PTPRR: variants seen among roughly 807,000 people sequenced by gnomAD.
PTPRR encodes protein tyrosine phosphatase receptor type R.
Under a neutral mutation model 77.2 loss-of-function variants are expected in PTPRR, and 38 were observed. The ratio of observed to expected loss-of-function variants is 0.49; its 90% CI spans 0.38 to 0.65. PTPRR has a LOEUF of 0.65. Among genes scored for constraint, PTPRR ranks in the 30% least tolerant of loss-of-function variants. PTPRR has a pLI of 0.00. For synonymous variants in PTPRR, 299 were observed against 283.1 expected (o/e 1.06, Z -0.57); for missense variants, 744 against 799.2 (o/e 0.93, Z 0.83).
At chr12:70,838,083 G>A (rs1892335246) in intron 2 of PTPRR, among the ~76,000 whole-genome samples, 1 of 152,132 alleles carries the variant, frequency 6.6e-6, no homozygotes, top group Non-Finnish European at 1.5e-5. Context: ...ACTACAGAGA[G>A]AGCTATTGAC....
intron 6 of PTPRR, among the ~76,000 whole-genome samples, chr12:70,713,615 A>C (rs1888913551): frequency 7.1e-6 from 1 of 141,648 alleles, no homozygotes; most frequent in Non-Finnish European, 1.5e-5. Flanking sequence ...AGTGTATCTC[A>C]TTGTGGCTTT....
intron 5 of PTPRR, among the ~76,000 whole-genome samples, chr12:70,750,026 A>AT (rs931238214): frequency 6.6e-6 from 1 of 152,032 alleles, no homozygotes; most frequent in East Asian, 1.9e-4. Flanking sequence ...TTGCCCACAC[A>AT]TTTTTTCTTG....
intron 7 of PTPRR, among the ~76,000 whole-genome samples, chr12:70,699,652 A>G (rs1888350973): frequency 6.6e-6 from 1 of 152,124 alleles, no homozygotes; most frequent in South Asian, 2.1e-4. Context: ...CTTTACCTGC[A>G]TTATGCTAGC....
At chr12:70,871,080 A>G (rs1327491860) in intron 2 of PTPRR, among the ~76,000 whole-genome samples, 1 of 152,166 alleles carries the variant, frequency 6.6e-6, no homozygotes, top group African/African-American at 2.4e-5. Context: ...TGAGTAACGG[A>G]GAGGGATCTA....
At chr12:70,761,775 G>T in intron 3 of PTPRR, 149 bp from the exon 4 acceptor site, 1 of 593,852 alleles carries the variant, frequency 1.7e-6, no homozygotes, top group Non-Finnish European at 2.6e-6. Flanking sequence ...GTTATTCTCT[G>T]ATAGACTTAA....
chr12:70,790,929 T>TA (rs1332900529), intron 2 of PTPRR, among the ~76,000 whole-genome samples: 1 of 152,056 alleles, frequency 6.6e-6, no homozygotes, highest in African/African-American at 2.4e-5. Flanking sequence ...CCAGAGTTGG[T>TA]AAAACCAGTT....
chr12:70,916,170 T>C (rs928953422), intron 1 of PTPRR, among the ~76,000 whole-genome samples: 22 of 152,126 alleles, frequency 1.4e-4, no homozygotes, highest in Non-Finnish European at 8.8e-5. Context: ...AAATGAAATA[T>C]GAAATAGAAT....
intron 2 of PTPRR, among the ~76,000 whole-genome samples, chr12:70,844,307 G>A (rs1308997932): frequency 2.0e-5 from 3 of 152,040 alleles, no homozygotes; most frequent in South Asian, 2.1e-4. Context: ...ACTAACTAGG[G>A]CATCCATATG....
At chr12:70,640,250 G>A (rs1385052038) in intron 13 of PTPRR, among the ~76,000 whole-genome samples, 1 of 152,080 alleles carries the variant, frequency 6.6e-6, no homozygotes, top group Admixed American at 6.6e-5. Flanking sequence ...ACAGCTCAGT[G>A]CAGCCTCAAC....
chr12:70,664,728 A>G (rs867907154), intron 10 of PTPRR: 4 of 152,298 alleles, frequency 2.6e-5, no homozygotes, highest in Middle Eastern at 3.4e-3. Context: ...ACTCGTTACC[A>G]AAAAAGCAAT....
intron 8 of PTPRR, among the ~76,000 whole-genome samples, chr12:70,693,832 T>G (rs943096404): frequency 3.3e-5 from 5 of 152,188 alleles, no homozygotes; most frequent in Admixed American, 1.3e-4. Context: ...TCTCTATACA[T>G]AGATGGTACC....
chr12:70,904,568 G>GT (rs759293857), intron 1 of PTPRR, among the ~76,000 whole-genome samples: 2 of 151,842 alleles, frequency 1.3e-5, no homozygotes, highest in Non-Finnish European at 2.9e-5. Flanking sequence ...ATAGTAGGAA[G>GT]TTTTTTTGTG....
intron 10 of PTPRR, chr12:70,672,741 C>T: frequency 1.3e-6 from 2 of 1,550,372 alleles, no homozygotes; most frequent in South Asian, 2.2e-5. Flanking sequence ...GGGATGTCAT[C>T]CTGACTGGGA....
chr12:70,767,216 T>C (rs1284219238), intron 2 of PTPRR, among the ~76,000 whole-genome samples: 4 of 152,044 alleles, frequency 2.6e-5, no homozygotes, highest in African/African-American at 9.7e-5. Flanking sequence ...AGACACAGAC[T>C]GGCAAATTGG....
intron 10 of PTPRR, 108 bp from the exon 11 acceptor site, chr12:70,662,713 C>G (rs1462161788): frequency 1.8e-6 from 1 of 566,044 alleles, no homozygotes; most frequent in East Asian, 3.0e-5. Context: ...TTTAAAATAT[C>G]AAATATCAAT....
At chr12:70,719,536 C>CA (rs3970923) in intron 6 of PTPRR, among the ~76,000 whole-genome samples, 65 of 150,600 alleles carry the variant, frequency 4.3e-4, no homozygotes, top group Middle Eastern at 3.4e-3. Flanking sequence ...AGCAAAAGGG[C>CA]AAAAAAAAAA....
chr12:70,788,970 C>T (rs917962626), intron 2 of PTPRR: 4 of 1,204,130 alleles, frequency 3.3e-6, no homozygotes, highest in Non-Finnish European at 4.4e-6. Context: ...GAGGTAACCG[C>T]CTGGTACTGT....
intron 2 of PTPRR, among the ~76,000 whole-genome samples, chr12:70,852,313 G>A (rs1892584480): frequency 6.6e-6 from 1 of 151,986 alleles, no homozygotes. Context: ...AACTCAACTG[G>A]CTTTGCATGC....
intron 6 of PTPRR, among the ~76,000 whole-genome samples, chr12:70,732,670 A>G (rs1391883301): frequency 1.3e-5 from 2 of 152,034 alleles, no homozygotes; most frequent in African/African-American, 4.8e-5. Context: ...AAGCAATTAT[A>G]CTGCCTCAGC....
Sources: allele counts gnomAD v4.1 joint callset (sites outside exome capture counted in the v4.1 genomes callset), GRCh38; gene constraint gnomAD v4.1.1; transcripts MANE v1.5; gene names NCBI Gene and HGNC (gene_info 2026-07-23, HGNC 2026-07-21).